STIP1: variants seen among roughly 807,000 people sequenced by gnomAD.
STIP1 encodes the protein stress-induced-phosphoprotein 1.
Under a neutral mutation model 77.4 loss-of-function variants are expected in STIP1, and 16 were observed. The observed-to-expected ratio is 0.21, with a 90% CI of 0.14 to 0.31. STIP1 has a LOEUF of 0.31. Ranked by LOEUF, STIP1 falls within the 10% of genes least tolerant of loss-of-function variation. STIP1 has a pLI of 1.00. For synonymous variants in STIP1, 258 were observed against 246.6 expected, an observed-to-expected ratio of 1.05 and a Z score of -0.44; for missense variants, 524 against 684.8, an observed-to-expected ratio of 0.77 and a Z score of 2.62.
rs146376459 is a variant in STIP1 at position 64,193,113 on chromosome 11, G to C, written c.45G>C (p.Leu15=). The C allele has an allele frequency of 3.1e-6, 5 of 1,614,076 alleles. No individual in the cohort carries two copies. Among genetic ancestry groups the C allele is most frequent in the Non-Finnish European group, 4.2e-6 (5 of 1,180,054 alleles). Reference sequence around the variant, plus strand: ...TGAAGGAGAAAGGCAACAAGGCCCTGAGCGTGGGTAACATCGATGATGCCT... The same window carrying C: ...TGAAGGAGAAAGGCAACAAGGCCCTCAGCGTGGGTAACATCGATGATGCCT... The part of the protein sequence containing the change: ...NELKEKGNKA[L]SVGNIDDALQ... Residue 15 remains leucine, a synonymous_variant, in exon 2 of 14, where the codon CTG becomes CTC. Transcript: ENST00000305218.
chr11:64,194,392 C>T lies in STIP1; in HGVS notation c.361+62C>T, dbSNP rs150280501. ...TGTGATTAATTTTGAGTCTTCACCC[C>T]TGAGAAATGTCAGTCTGGTAGGGTA... On this transcript the variant is annotated intron_variant, in intron 3 of 13. Transcript: ENST00000305218. 1.3e-4 allele frequency: 203 copies of T among 1,610,376 alleles called. No homozygotes were observed. The African/African-American group carries it at 2.2e-3, about 18-fold the overall frequency.
intron 1 of STIP1, among the ~76,000 whole-genome samples, chr11:64,190,507 G>A (rs1946080617): frequency 6.6e-6 from 1 of 152,196 alleles, no homozygotes; most frequent in South Asian, 2.1e-4. Context: ...TAGAGACGGG[G>A]TTTCACCATG....
At chr11:64,203,319 C>T in intron 12 of STIP1, 91 bp downstream of exon 12, 1 of 1,576,010 alleles carries the variant, frequency 6.3e-7, no homozygotes, top group Admixed American at 1.7e-5. Flanking sequence ...TCCCTGTCAC[C>T]TCCATTTCTC....
At chr11:64,201,036 T>TCAAAAAA (rs1565283378) in intron 10 of STIP1, among the ~76,000 whole-genome samples, 1 of 129,826 alleles carries the variant, frequency 7.7e-6, no homozygotes, top group African/African-American at 3.0e-5. Context: ...CCCCTTTTTT[T>TCAAAAAA]AAAAAAAAAA....
At chr11:64,186,143 A>AG, upstream of STIP1, 2 of 1,550,828 alleles carry the variant, frequency 1.3e-6, no homozygotes, top group Non-Finnish European at 1.7e-6. Flanking sequence ...TGAGCAGGCG[A>AG]GGAAGGGGCG....
At chr11:64,185,706 A>C (rs534676651), upstream of STIP1, 1 of 1,378,404 alleles carries the variant, frequency 7.3e-7, no homozygotes, top group Non-Finnish European at 9.7e-7. Context: ...GTACTCCCAT[A>C]TATCAGGGGC....
At chr11:64,192,047 T>C (rs1265586707) in intron 1 of STIP1, among the ~76,000 whole-genome samples, 2 of 152,094 alleles carry the variant, frequency 1.3e-5, no homozygotes, top group African/African-American at 4.8e-5. Context: ...GCGCGGTGGC[T>C]CACACCTGTA....
At chr11:64,190,358 G>T (rs1946078954) in intron 1 of STIP1, among the ~76,000 whole-genome samples, 1 of 152,080 alleles carries the variant, frequency 6.6e-6, no homozygotes, top group Non-Finnish European at 1.5e-5. Context: ...TGTATTTTTA[G>T]TAGAGACGGG....
upstream of STIP1, chr11:64,185,880 A>T: frequency 6.5e-7 from 1 of 1,536,104 alleles, no homozygotes; most frequent in Non-Finnish European, 8.7e-7. Flanking sequence ...ATCAGAACCA[A>T]TGGGCGCGGC....
In STIP1 at chr11:64,186,199, C is replaced by A. The variant is rs995451442; in HGVS notation, c.-63C>A. ...TTCTAGTAGGTTCCAGAAGGCGGCG[C>A]GTGCGGTTGGGAACGCGGAGCGGAC... On this transcript the variant is annotated 5_prime_UTR_variant, in exon 1 of 14. Coordinates refer to ENST00000305218, the MANE Select transcript of STIP1 (RefSeq NM_006819.3). 5.8e-6 allele frequency: 9 copies of A among 1,550,572 alleles called. No individual in the cohort carries two copies. The South Asian group carries it at 7.1e-5, about 12-fold the overall frequency.
intron 10 of STIP1, among the ~76,000 whole-genome samples, chr11:64,201,108 C>A (rs1456105472): frequency 6.6e-6 from 1 of 151,878 alleles, no homozygotes; most frequent in Admixed American, 6.6e-5. Flanking sequence ...GGCACAATCT[C>A]AGCTCACTGC....
chr11:64,193,840 T>C (rs1408975635), intron 2 of STIP1, among the ~76,000 whole-genome samples: 1 of 151,988 alleles, frequency 6.6e-6, no homozygotes, highest in African/African-American at 2.4e-5. Flanking sequence ...CCCAGCACTT[T>C]GGGAGGTTGA....
chr11:64,202,639 G>C, intron 10 of STIP1: 1 of 569,324 alleles, frequency 1.8e-6, no homozygotes, highest in Non-Finnish European at 3.1e-6. Flanking sequence ...GTACTCTTCA[G>C]TTTCTCAAAC....
At chr11:64,192,024 T>C (rs1460026562) in intron 1 of STIP1, among the ~76,000 whole-genome samples, 1 of 152,010 alleles carries the variant, frequency 6.6e-6, no homozygotes, top group Non-Finnish European at 1.5e-5. Flanking sequence ...TTAAAACTGC[T>C]GTATCCCACC....
At position 64,186,188 on chromosome 11, in the gene STIP1, A is replaced by AGAAGGCGGCGCGTGCGGTTGG; in HGVS notation, c.-70_-50dup. On this transcript the variant is annotated 5_prime_UTR_variant, in exon 1 of 14. Coordinates refer to ENST00000305218, the MANE Select transcript of STIP1 (RefSeq NM_006819.3). ...GTCCCGGTAGCTTCTAGTAGGTTCC[A>AGAAGGCGGCGCGTGCGGTTGG]GAAGGCGGCGCGTGCGGTTGGGAAC... 1 of 1,550,554 alleles carries AGAAGGCGGCGCGTGCGGTTGG rather than the reference A, an allele frequency of 6.4e-7. No homozygotes were observed. The highest frequency in any genetic ancestry group is 8.7e-7 in the Non-Finnish European group (1 of 1,146,876).
At chr11:64,187,438 C>T (rs910835809) in intron 1 of STIP1, among the ~76,000 whole-genome samples, 1 of 152,114 alleles carries the variant, frequency 6.6e-6, no homozygotes, top group African/African-American at 2.4e-5. Context: ...ACTAAGATCG[C>T]CCACACTCTC....
At chr11:64,185,436 A>G (rs1945998330), upstream of STIP1, 2 of 245,692 alleles carry the variant, frequency 8.1e-6, no homozygotes, top group Non-Finnish European at 1.6e-5. Flanking sequence ...TTTCCGGAAC[A>G]TTCAGAACCT....
intron 10 of STIP1, 116 bp downstream of exon 10, chr11:64,200,409 C>T: frequency 2.0e-6 from 3 of 1,473,580 alleles, no homozygotes; most frequent in Non-Finnish European, 2.7e-6. Flanking sequence ...GAGACAGTGT[C>T]TCACTCTGTC....
upstream of STIP1, chr11:64,185,624 G>GGAGCGAGAGGGAAAGC: frequency 1.5e-6 from 1 of 660,556 alleles, no homozygotes; most frequent in Non-Finnish European, 2.5e-6. Context: ...GCGGCACTCG[G>GGAGCGAGAGGGAAAGC]GAGCGAGAGG....
Sources: gnomAD v4.1 joint callset for allele counts (sites outside exome capture counted in the v4.1 genomes callset) on GRCh38, gnomAD v4.1.1 for gene constraint, MANE v1.5 for transcripts, NCBI Gene and HGNC (gene_info 2026-07-23, HGNC 2026-07-21) for gene names.